FBLN5: variants seen among roughly 807,000 people sequenced by gnomAD.
FBLN5 encodes fibulin-5.
FBLN5 carries 24 observed loss-of-function variants against 61.6 expected under a neutral mutation model. The ratio of observed to expected loss-of-function variants is 0.39; its 90% CI spans 0.28 to 0.55. FBLN5 has a LOEUF of 0.55. Among genes scored for constraint, FBLN5 ranks in the 20% least tolerant of loss-of-function variants. FBLN5 has a pLI of 0.65. For synonymous variants in FBLN5, 213 were observed against 219.8 expected, an observed-to-expected ratio of 0.97 and a Z score of 0.27; for missense variants, 470 against 594.1, an observed-to-expected ratio of 0.79 and a Z score of 2.17.
At chr14:91,930,035 G>A (rs1234677054) in intron 4 of FBLN5, among the ~76,000 whole-genome samples, 5 of 152,094 alleles carry the variant, frequency 3.3e-5, no homozygotes, top group East Asian at 1.9e-4. Flanking sequence ...CTCCCTAAAC[G>A]ACACACACTA....
intron 4 of FBLN5, among the ~76,000 whole-genome samples, chr14:91,935,042 A>C (rs569067479): frequency 1.2e-4 from 19 of 152,220 alleles, no homozygotes; most frequent in Non-Finnish European, 1.0e-4. Flanking sequence ...TTATGAATGC[A>C]TAATGCTGAA....
At chr14:91,919,390 A>AAGG (rs1566819989) in intron 4 of FBLN5, among the ~76,000 whole-genome samples, 7,566 of 99,520 alleles carry the variant, frequency 0.076, 370 homozygotes, top group Admixed American at 0.1. Context: ...AGAAAGAAAG[A>AAGG]AAGGAAGGAA....
intron 4 of FBLN5, among the ~76,000 whole-genome samples, chr14:91,924,589 C>A (rs190824704): frequency 4.6e-4 from 70 of 151,436 alleles, no homozygotes; most frequent in African/African-American, 1.6e-3. Flanking sequence ...GGCTGAGGCA[C>A]GAGGATTGCT....
In FBLN5 at chr14:91,910,517, C is replaced by T. The variant is rs572661236; in HGVS notation, c.380-15445G>A. On this transcript the variant is annotated intron_variant, in intron 4 of 10. Coordinates refer to ENST00000342058, the MANE Select transcript of FBLN5 (RefSeq NM_006329.4). Reference sequence around the variant, plus strand: ...GGTCAAGATAATACATTTCTTGTTACGCATTTTTACTACAATAAAAAAGTG... The same window carrying T: ...GGTCAAGATAATACATTTCTTGTTATGCATTTTTACTACAATAAAAAAGTG... 4.8e-4 allele frequency among the ~76,000 whole-genome samples: 73 copies of T among 152,290 alleles called. 1 individual carries two copies. Among genetic ancestry groups the T allele is most frequent in the Middle Eastern group, 6.8e-3 (2 of 294 alleles).
chr14:91,930,483 C>T (rs939651574), intron 4 of FBLN5, among the ~76,000 whole-genome samples: 4 of 152,294 alleles, frequency 2.6e-5, no homozygotes, highest in South Asian at 2.1e-4. Flanking sequence ...TCTGGGCCTG[C>T]GTAGTCCCAA....
intron 4 of FBLN5, among the ~76,000 whole-genome samples, chr14:91,933,497 A>C (rs998914245): frequency 6.6e-6 from 1 of 151,994 alleles, no homozygotes; most frequent in African/African-American, 2.4e-5. Context: ...CGAACTCCTG[A>C]CCTCAGGTGA....
Position 91,882,990 on chromosome 14 carries a change from C to T in FBLN5, c.826G>A (p.Gly276Ser). ...CGGTTGTCATCCAGCAGGATGTAGC[C>T]TGGAGGGCAGGAGCAGAAGTATGTG... ...PGTYFCSCPP[G>S]YILLDDNRSC... The change falls in exon 8 of 11, where the codon GGC becomes AGC. Residue 276 changes from glycine (G) to serine (S), a missense_variant. Transcript: ENST00000342058. The surrounding 1 kb of genome is among the most constrained non-coding windows in gnomAD (Gnocchi z 4.9). 5 of 1,614,154 alleles carry T rather than the reference C, an allele frequency of 3.1e-6. No individual in the cohort carries two copies. Among genetic ancestry groups the T allele is most frequent in the Non-Finnish European group, 4.2e-6 (5 of 1,179,986 alleles).
At position 91,869,751 on chromosome 14, in the gene FBLN5, CT is replaced by C; in HGVS notation, c.*472del. On this transcript the variant is annotated 3_prime_UTR_variant, in exon 11 of 11. Coordinates refer to ENST00000342058, the MANE Select transcript of FBLN5 (RefSeq NM_006329.4). Reference sequence around the variant, plus strand: ...TCCTGCTGTGGTTTGTTTACATAGCCTTCTCTGTGTACGCAAAAAGCAAACT... The same window carrying C: ...TCCTGCTGTGGTTTGTTTACATAGCCTCTCTGTGTACGCAAAAAGCAAACT... 4.6e-6 allele frequency: 1 copy of C among 217,010 alleles called. No individual in the cohort carries two copies. The highest frequency in any genetic ancestry group is 9.4e-6 in the Non-Finnish European group (1 of 106,510). 13.4% of individuals were successfully genotyped at this position (217,010 alleles called of 1,614,324 possible).
intron 4 of FBLN5, among the ~76,000 whole-genome samples, chr14:91,895,520 T>C (rs2430361): frequency 0.83 from 125,666 of 151,996 alleles, 52,902 homozygotes; most frequent in Admixed American, 0.92. Context: ...TGTCCCCAGC[T>C]GGGCATGGTG....
At chr14:91,875,180 G>C (rs1357063841) in intron 10 of FBLN5, among the ~76,000 whole-genome samples, 2 of 152,020 alleles carry the variant, frequency 1.3e-5, no homozygotes, top group African/African-American at 4.8e-5. Flanking sequence ...CAATCAAGAG[G>C]GGTTTTCAAA....
intron 2 of FBLN5, chr14:91,942,080 C>A (rs1360890692): frequency 4.4e-6 from 2 of 454,406 alleles, no homozygotes; most frequent in Non-Finnish European, 4.4e-6. Context: ...GCTTCTCTCA[C>A]TTCTTTCCTG....
At position 91,894,429 on chromosome 14, in the gene FBLN5, C is replaced by CAAAAG. The variant is rs1890132731; in HGVS notation, c.502+520_502+521insCTTTT. ...AAAAAAAAAAAAAAAAAAAAAAAAC[C>CAAAAG]GAAAAAAACCATTCAAGGCCGTGCG... On this transcript the variant is annotated intron_variant, in intron 5 of 10. Transcript: ENST00000342058. Among the ~76,000 whole-genome samples, 3 of 50,004 alleles carry CAAAAG rather than the reference C, an allele frequency of 6.0e-5. 1 individual carries two copies. The highest frequency in any genetic ancestry group is 6.9e-4 in the East Asian group (1 of 1,444). The allele number at this position is 50,004 out of a possible 152,430, so 32.8% of individuals were successfully genotyped here. A position where few individuals can be genotyped will look rare whatever the true frequency, so the allele number is the denominator to read the frequency against.
chr14:91,926,724 GCAAA>G (rs1566823579), intron 4 of FBLN5, among the ~76,000 whole-genome samples: 1 of 151,624 alleles, frequency 6.6e-6, no homozygotes, highest in Non-Finnish European at 1.5e-5. Flanking sequence ...AAGATGTAAA[GCAAA>G]CAGAGTTGCT....
chr14:91,914,160 T>C (rs1308667725), intron 4 of FBLN5, among the ~76,000 whole-genome samples: 2 of 151,584 alleles, frequency 1.3e-5, no homozygotes, highest in Non-Finnish European at 2.9e-5. Context: ...CTGAGAAACA[T>C]GGCGAGGCCC....
intron 9 of FBLN5, among the ~76,000 whole-genome samples, chr14:91,880,579 ACT>A (rs1452373194): frequency 1.2e-4 from 18 of 148,508 alleles, no homozygotes; most frequent in African/African-American, 2.5e-4. Flanking sequence ...ACAGAGTCTC[ACT>A]CTGTCACCCA....
intron 4 of FBLN5, among the ~76,000 whole-genome samples, chr14:91,918,813 T>C (rs759530013): frequency 2.6e-5 from 4 of 152,118 alleles, no homozygotes; most frequent in Admixed American, 6.6e-5. Flanking sequence ...ATAGGGGATA[T>C]GAAAGAGACA....
chr14:91,886,224 T>G (rs1319040191), intron 7 of FBLN5, among the ~76,000 whole-genome samples: 1 of 152,178 alleles, frequency 6.6e-6, no homozygotes, highest in Non-Finnish European at 1.5e-5. Context: ...TAATTTAGAC[T>G]TTGCAAATTC....
chr14:91,909,272 A>G (rs2498830), intron 4 of FBLN5, among the ~76,000 whole-genome samples: 130,613 of 152,010 alleles, frequency 0.86, 56,700 homozygotes, highest in Admixed American at 0.93. Flanking sequence ...GTTCACACCC[A>G]CAGAAACACT....
chr14:91,905,392 G>C (rs1481297365), intron 4 of FBLN5, among the ~76,000 whole-genome samples: 1 of 152,038 alleles, frequency 6.6e-6, no homozygotes, highest in Non-Finnish European at 1.5e-5. Flanking sequence ...CACACAACAG[G>C]GTGTGTCATG....
Sources: allele counts gnomAD v4.1 joint callset (sites outside exome capture counted in the v4.1 genomes callset), GRCh38; gene constraint gnomAD v4.1.1; non-coding constraint Gnocchi (gnomAD v3.1); transcripts MANE v1.5; gene names NCBI Gene and HGNC (gene_info 2026-07-23, HGNC 2026-07-21).